The following NAPA variants were observed in gnomAD, a reference collection of about 807,000 sequenced individuals.
NAPA encodes the protein alpha-soluble NSF attachment protein.
NAPA carries 18 observed loss-of-function variants against 48.0 expected under a neutral mutation model. That is an observed-to-expected ratio of 0.38 (90% CI 0.26 to 0.56). NAPA has a LOEUF of 0.56. Ranked by LOEUF, NAPA falls within the 20% of genes least tolerant of loss-of-function variation. The pLI, the probability that NAPA is intolerant of heterozygous loss-of-function variation, is 0.77. For synonymous variants in NAPA, 152 were observed against 149.9 expected (o/e 1.01, Z -0.10); for missense variants, 315 against 385.0 (o/e 0.82, Z 1.52).
In NAPA at chr19:47,492,112, G is replaced by A; in HGVS notation, c.569C>T (p.Thr190Ile). The A allele has an allele frequency of 6.2e-7, 1 of 1,613,778 alleles. No homozygotes were observed. The highest frequency in any genetic ancestry group is 8.5e-7 in the Non-Finnish European group (1 of 1,179,752). The change falls in exon 8 of 11, where the codon ACC becomes ATC. Residue 190 changes from threonine to isoleucine, a missense_variant. Coordinates refer to ENST00000263354, the MANE Select transcript of NAPA (RefSeq NM_003827.4). ...KAIDIYEQVG[T>I]NAMDSPLLKY... ...GAGGAGGGGGCTGTCCATGGCATTG[G>A]TCCCCACCTGTAGCCATGGAGAAGT...
chr19:47,488,155 C>T lies in NAPA; in HGVS notation c.*133G>A, dbSNP rs1273914519. The T allele has an allele frequency of 1.6e-5, 12 of 768,902 alleles. No homozygotes were observed. Among genetic ancestry groups the T allele is most frequent in the South Asian group, 6.9e-5 (4 of 57,866 alleles). 47.6% of individuals were successfully genotyped at this position (768,902 alleles called of 1,614,324 possible). ...TCTGGCGCCCCTGCATGCTGACCCC[C>T]GGTGCCACCTGCCCACTGTGGCCCG... On this transcript the variant is annotated 3_prime_UTR_variant, in exon 11 of 11. Coordinates refer to ENST00000263354, the MANE Select transcript of NAPA (RefSeq NM_003827.4).
intron 1 of NAPA, among the ~76,000 whole-genome samples, chr19:47,508,399 C>T (rs1290292669): frequency 6.6e-6 from 1 of 152,248 alleles, no homozygotes; most frequent in Non-Finnish European, 1.5e-5. Context: ...CCTTGCCTGA[C>T]CAAGCAGAGT....
intron 2 of NAPA, among the ~76,000 whole-genome samples, chr19:47,501,960 C>T (rs544886344): frequency 9.9e-5 from 15 of 152,072 alleles, no homozygotes; most frequent in East Asian, 9.7e-4. Context: ...TATAAAATTA[C>T]GGCCAGGCGC....
chr19:47,500,570 C>A, intron 3 of NAPA, 63 bp downstream of exon 3: 1 of 1,332,636 alleles, frequency 7.5e-7, no homozygotes, highest in Non-Finnish European at 1.0e-6. Flanking sequence ...CCTGAGGAAT[C>A]AATGCAGGGT....
Position 47,493,329 on chromosome 19 carries a change from A to G in NAPA, c.420+87T>C, listed in dbSNP as rs892041534. The G allele has an allele frequency of 3.3e-6, 5 of 1,526,578 alleles. No individual in the cohort carries two copies. Among genetic ancestry groups the G allele is most frequent in the Non-Finnish European group, 4.5e-6 (5 of 1,106,162 alleles). The allele number at this position is 1,526,578 out of a possible 1,614,324, so 94.6% of individuals were successfully genotyped here. A position where few individuals can be genotyped will look rare whatever the true frequency, so the allele number is the denominator to read the frequency against. On this transcript the variant is annotated intron_variant, in intron 5 of 10. Transcript: ENST00000263354. This position sits in a 1 kb window ranked among gnomAD's most constrained non-coding sequence, Gnocchi z 6.4. ...GCCCCATGCCCCCTTCTCGGCACTC[A>G]GACACCAGAGGACTCCCCTGGTGGG...
intron 3 of NAPA, among the ~76,000 whole-genome samples, chr19:47,497,697 G>A (rs550045362): frequency 3.5e-4 from 53 of 152,366 alleles, no homozygotes; most frequent in African/African-American, 1.2e-3. Context: ...TCCTACCAGC[G>A]ACGCCCAACC....
chr19:47,504,117 G>A (rs891815126), intron 1 of NAPA, among the ~76,000 whole-genome samples: 2 of 152,102 alleles, frequency 1.3e-5, no homozygotes, highest in African/African-American at 4.8e-5. Context: ...TGGGCTGGGT[G>A]TGGTGGTTCA....
chr19:47,486,487 G>A (rs1457484499), downstream of NAPA, among the ~76,000 whole-genome samples: 2 of 152,154 alleles, frequency 1.3e-5, no homozygotes, highest in Non-Finnish European at 2.9e-5. Context: ...TTCTAGCAGA[G>A]ACAGGGTTTT....
chr19:47,493,311 G>T lies in NAPA; in HGVS notation c.420+105C>A. ...TCTCCAAGCTCTGCCGGCGCCCCAT[G>T]CCCCCTTCTCGGCACTCAGACACCA... On this transcript the variant is annotated intron_variant, in intron 5 of 10. Transcript: ENST00000263354. This position sits in a 1 kb window ranked among gnomAD's most constrained non-coding sequence, Gnocchi z 6.4. 6.7e-7 allele frequency: 1 copy of T among 1,498,228 alleles called. No individual in the cohort carries two copies. Among genetic ancestry groups the T allele is most frequent in the Non-Finnish European group, 9.2e-7 (1 of 1,084,864 alleles). 92.8% of individuals were successfully genotyped at this position (1,498,228 alleles called of 1,614,324 possible). A position where few individuals can be genotyped will look rare whatever the true frequency, so the allele number is the denominator to read the frequency against.
chr19:47,514,338 G>A (rs1441771163), intron 1 of NAPA, among the ~76,000 whole-genome samples: 1 of 152,032 alleles, frequency 6.6e-6, no homozygotes, highest in Non-Finnish European at 1.5e-5. Context: ...CACTGCTCCA[G>A]GGGTTGAAAA....
chr19:47,490,176 T>G (rs1045956541), intron 9 of NAPA, among the ~76,000 whole-genome samples: 2 of 146,820 alleles, frequency 1.4e-5, no homozygotes, highest in Admixed American at 6.8e-5. Flanking sequence ...GTGTGTGTGG[T>G]GTGTGTAGTG....
At chr19:47,496,876 T>C (rs1326606629) in intron 3 of NAPA, 2 of 455,730 alleles carry the variant, frequency 4.4e-6, no homozygotes, top group Non-Finnish European at 8.8e-6. Context: ...TCTGTAGGTT[T>C]TGTCCAATTC....
intron 9 of NAPA, among the ~76,000 whole-genome samples, chr19:47,490,195 ATG>A (rs1157829854): frequency 1.2e-3 from 110 of 93,154 alleles, no homozygotes; most frequent in Admixed American, 4.2e-3. Flanking sequence ...TGTGTGTGCA[ATG>A]TGTGTGTGTG....
chr19:47,495,700 G>T (rs1599900877), intron 3 of NAPA, 104 bp from the exon 4 acceptor site: 1 of 1,051,678 alleles, frequency 9.5e-7, no homozygotes, highest in East Asian at 2.4e-5. Context: ...CCAGCAGAGA[G>T]ATCAATAGGC....
At chr19:47,498,875 C>T (rs1968499843) in intron 3 of NAPA, among the ~76,000 whole-genome samples, 1 of 152,168 alleles carries the variant, frequency 6.6e-6, no homozygotes, top group Non-Finnish European at 1.5e-5. Context: ...ACCACGTCCC[C>T]AGGGCTCTGG....
chr19:47,488,551 C>T (rs1231104983), intron 10 of NAPA, 162 bp from the exon 11 acceptor site: 1 of 535,770 alleles, frequency 1.9e-6, no homozygotes, highest in African/African-American at 1.9e-5. Context: ...CATGGGAGCT[C>T]CCTCTTGTCT....
chr19:47,491,609 C>A (rs554486014), intron 8 of NAPA: 1 of 167,374 alleles, frequency 6.0e-6, no homozygotes, highest in African/African-American at 2.4e-5. Context: ...GCTAAAGCCA[C>A]GACAGCAGGA....
At chr19:47,508,076 ATC>A (rs1968728290) in intron 1 of NAPA, among the ~76,000 whole-genome samples, 1 of 151,988 alleles carries the variant, frequency 6.6e-6, no homozygotes, top group Non-Finnish European at 1.5e-5. Flanking sequence ...GGCTTCCCTC[ATC>A]TCACGAGCAG....
downstream of NAPA, among the ~76,000 whole-genome samples, chr19:47,485,210 T>G (rs1429215000): frequency 1.3e-5 from 2 of 152,170 alleles, no homozygotes; most frequent in African/African-American, 4.8e-5. Context: ...CAGGATTCAT[T>G]GAGCTTTTAC....
Sources: gnomAD v4.1 joint callset for allele counts (sites outside exome capture counted in the v4.1 genomes callset) on GRCh38, gnomAD v4.1.1 for gene constraint, Gnocchi (gnomAD v3.1) non-coding constraint, MANE v1.5 for transcripts, NCBI Gene and HGNC (gene_info 2026-07-23, HGNC 2026-07-21) for gene names.